NAALADL2: variants seen among roughly 807,000 people sequenced by gnomAD.
NAALADL2 encodes N-acetylated alpha-linked acidic dipeptidase like 2.
A neutral mutation model predicts 87.2 loss-of-function variants in NAALADL2; 76 were observed. The ratio of observed to expected loss-of-function variants is 0.87; its 90% CI spans 0.72 to 1.05. NAALADL2 has a LOEUF of 1.05. Ranked by LOEUF, NAALADL2 falls within the 50% of genes least tolerant of loss-of-function variation. NAALADL2 has a pLI of 0.00. For synonymous variants in NAALADL2, 354 were observed against 331.0 expected, an observed-to-expected ratio of 1.07 and a Z score of -0.75; for missense variants, 1,089 against 945.8, an observed-to-expected ratio of 1.15 and a Z score of -1.99.
chr3:175,154,498 C>CT (rs1308981873), intron 2 of NAALADL2, among the ~76,000 whole-genome samples: 7 of 151,824 alleles, frequency 4.6e-5, no homozygotes, highest in African/African-American at 1.7e-4. Context: ...AAAATATTAC[C>CT]TTTTTTATTG....
At chr3:174,593,386 G>A (rs1717580292) in intron 2 of NAALADL2, among the ~76,000 whole-genome samples, 1 of 152,086 alleles carries the variant, frequency 6.6e-6, no homozygotes, top group African/African-American at 2.4e-5. Flanking sequence ...TCACTTTTGA[G>A]GAAGGCACTG....
chr3:174,816,063 T>G (rs1156856476), intron 3 of NAALADL2, among the ~76,000 whole-genome samples: 1 of 152,048 alleles, frequency 6.6e-6, no homozygotes, highest in East Asian at 1.9e-4. Flanking sequence ...ACAACAACAT[T>G]GGTCCTATTA....
chr3:174,985,407 TATCAATGTATCTCTGTTTCAAGAAA>T (rs1745719109), intron 1 of NAALADL2, among the ~76,000 whole-genome samples: 1 of 152,206 alleles, frequency 6.6e-6, no homozygotes, highest in Non-Finnish European at 1.5e-5. Flanking sequence ...TTCTTTTCTC[TATCAATGTATCTCTGTTTCAAGAAA>T]AATCTTTTGA....
intron 2 of NAALADL2, among the ~76,000 whole-genome samples, chr3:174,731,078 A>G (rs889509559): frequency 6.6e-6 from 1 of 151,950 alleles, no homozygotes; most frequent in African/African-American, 2.4e-5. Context: ...TCCTATTTCT[A>G]CCCGCACACT....
In NAALADL2 at chr3:175,572,858, T is replaced by C. The variant is rs377523671; in HGVS notation, c.1654-3183T>C. Among the ~76,000 whole-genome samples, 4 of 150,824 alleles carry C rather than the reference T, an allele frequency of 2.7e-5. No individual in the cohort carries two copies. The East Asian group carries it at 5.9e-4, about 22-fold the overall frequency. On this transcript the variant is annotated intron_variant, in intron 9 of 13. Transcript: ENST00000454872. ...ATCCCTTAAACCCAGAAGGTCAAGCTCAGCCTGGGCAACATTTAGCAACAT... is the reference window on the plus strand; with the variant it reads ...ATCCCTTAAACCCAGAAGGTCAAGCCCAGCCTGGGCAACATTTAGCAACAT...
At chr3:175,671,693 A>C (rs1734029486) in intron 11 of NAALADL2, among the ~76,000 whole-genome samples, 1 of 152,040 alleles carries the variant, frequency 6.6e-6, no homozygotes, top group South Asian at 2.1e-4. Flanking sequence ...TTAGGAAAAA[A>C]AGAGAACCTC....
At chr3:175,632,906 A>G (rs143648375) in intron 11 of NAALADL2, among the ~76,000 whole-genome samples, 1 of 152,206 alleles carries the variant, frequency 6.6e-6, no homozygotes, top group East Asian at 1.9e-4. Context: ...ATAAAAGTTC[A>G]ATTTCTCAGT....
chr3:174,689,060 T>G (rs932976489), intron 2 of NAALADL2, among the ~76,000 whole-genome samples: 2 of 152,064 alleles, frequency 1.3e-5, no homozygotes, highest in Non-Finnish European at 2.9e-5. Context: ...ATAGCAGATA[T>G]GAGAACTCTT....
intron 3 of NAALADL2, among the ~76,000 whole-genome samples, chr3:174,772,004 AT>A (rs5854596): frequency 6.6e-6 from 1 of 151,660 alleles, no homozygotes; most frequent in African/African-American, 2.4e-5. Context: ...AATCAGACAC[AT>A]TTTTTTTGTC....
intron 10 of NAALADL2, among the ~76,000 whole-genome samples, chr3:175,624,007 A>G (rs1215388408): frequency 2.0e-5 from 3 of 151,690 alleles, no homozygotes; most frequent in Non-Finnish European, 2.9e-5. Context: ...ATCATGCTGC[A>G]TTGGTCACTT....
chr3:174,688,361 A>G (rs572066), intron 2 of NAALADL2, among the ~76,000 whole-genome samples: 114,255 of 151,876 alleles, frequency 0.75, 43,160 homozygotes, highest in East Asian at 0.89. Context: ...AGCTATTATT[A>G]TTAGAATTAT....
At chr3:174,593,585 A>T (rs1387280376) in intron 2 of NAALADL2, among the ~76,000 whole-genome samples, 1 of 152,100 alleles carries the variant, frequency 6.6e-6, no homozygotes, top group African/African-American at 2.4e-5. Flanking sequence ...TGATTTTTAT[A>T]TAGTAAGTAA....
At chr3:175,773,377 A>G (rs1749765374) in intron 13 of NAALADL2, 1 of 152,038 alleles carries the variant, frequency 6.6e-6, no homozygotes, top group Non-Finnish European at 1.5e-5. Context: ...TTTATTGGTT[A>G]CTTCTAATTG....
intron 13 of NAALADL2, among the ~76,000 whole-genome samples, chr3:175,756,930 A>G (rs1262316176): frequency 3.3e-5 from 5 of 151,486 alleles, no homozygotes; most frequent in Admixed American, 1.3e-4. Context: ...GTGTATTTAT[A>G]TGACATATTT....
In NAALADL2 at chr3:175,534,046, A is replaced by T. The variant is rs148080672; in HGVS notation, c.1654-41995A>T. Reference sequence around the variant, plus strand: ...GCATTTATTTATTTATTATAAATAAATTATTTATTTATAATAAATAAATTA... The same window carrying T: ...GCATTTATTTATTTATTATAAATAATTTATTTATTTATAATAAATAAATTA... On this transcript the variant is annotated intron_variant, in intron 9 of 13. Coordinates refer to ENST00000454872, the MANE Select transcript of NAALADL2 (RefSeq NM_207015.3). 4.8e-3 allele frequency among the ~76,000 whole-genome samples: 723 copies of T among 149,924 alleles called. 33 individuals are homozygous for T. Among genetic ancestry groups the T allele is most frequent in the Admixed American group, 0.039 (576 of 14,940 alleles).
chr3:174,442,759 C>T (rs1167274369), intron 1 of NAALADL2, among the ~76,000 whole-genome samples: 2 of 151,976 alleles, frequency 1.3e-5, no homozygotes, highest in Admixed American at 6.6e-5. Context: ...AAGGTGAAAC[C>T]GTAATAAGTG....
chr3:174,913,916 A>G (rs1734028815), intron 1 of NAALADL2, among the ~76,000 whole-genome samples: 1 of 152,108 alleles, frequency 6.6e-6, no homozygotes, highest in African/African-American at 2.4e-5. Context: ...GAACTGAAGG[A>G]GTTGATTTAT....
chr3:175,512,965 G>A (rs892291883), intron 9 of NAALADL2, among the ~76,000 whole-genome samples: 1 of 152,056 alleles, frequency 6.6e-6, no homozygotes, highest in Admixed American at 6.6e-5. Flanking sequence ...TGTTTGCATT[G>A]CAGAGTGAAA....
intron 5 of NAALADL2, among the ~76,000 whole-genome samples, chr3:175,394,521 T>A (rs1769509798): frequency 6.6e-6 from 1 of 152,214 alleles, no homozygotes; most frequent in African/African-American, 2.4e-5. Context: ...CGATATTTTT[T>A]AAAAAAGATA....
Sources: allele counts gnomAD v4.1 joint callset (sites outside exome capture counted in the v4.1 genomes callset), GRCh38; gene constraint gnomAD v4.1.1; transcripts MANE v1.5; gene names NCBI Gene and HGNC (gene_info 2026-07-23, HGNC 2026-07-21).